DCUN1D5: variants seen among roughly 807,000 people sequenced by gnomAD.
The protein encoded by DCUN1D5 is DCN1-like protein 5.
A neutral mutation model predicts 38.3 loss-of-function variants in DCUN1D5; 10 were observed. That is an observed-to-expected ratio of 0.26 (90% CI 0.16 to 0.44). The LOEUF (loss-of-function observed/expected upper bound fraction) is 0.44, where lower values mean the gene tolerates loss of function less well. Among genes scored for constraint, DCUN1D5 ranks in the 20% least tolerant of loss-of-function variants. The pLI is 1.00. For missense variants in DCUN1D5, 148 were observed against 275.3 expected, an observed-to-expected ratio of 0.54 and a Z score of 3.27; for synonymous variants, 93 against 90.9, an observed-to-expected ratio of 1.02 and a Z score of -0.13.
Position 103,064,426 on chromosome 11 carries a change from AT to A in DCUN1D5, c.556-50del. The stretch of plus-strand genomic sequence containing the variant: ...GTATTTAAATATTTAAACAAACATC[AT>A]TTACTCAATTTAGTAAACTAAGTTT... On this transcript the variant is annotated intron_variant, in intron 6 of 7. Transcript: ENST00000260247. This position sits in a 1 kb window ranked among gnomAD's most constrained non-coding sequence, Gnocchi z 4.5. 2 of 1,370,790 alleles carry A rather than the reference AT, an allele frequency of 1.5e-6. No individual in the cohort carries two copies. Among genetic ancestry groups the A allele is most frequent in the Non-Finnish European group, 9.9e-7 (1 of 1,005,890 alleles). 84.9% of individuals were successfully genotyped at this position (1,370,790 alleles called of 1,614,324 possible).
In DCUN1D5 at chr11:103,091,959, C is replaced by T; in HGVS notation, c.-87G>A. ...AGCCCCTCAGCGCTGGCACCCAGTT[C>T]CCAGAGACAGCAGCAAGCGGAGGAG... On this transcript the variant is annotated 5_prime_UTR_variant, in exon 1 of 8. Coordinates refer to ENST00000260247, the MANE Select transcript of DCUN1D5 (RefSeq NM_032299.4). The surrounding 1 kb of genome is among the most constrained non-coding windows in gnomAD (Gnocchi z 4.3). 7.8e-7 allele frequency: 1 copy of T among 1,285,014 alleles called. No homozygotes were observed. Among genetic ancestry groups the T allele is most frequent in the East Asian group, 2.4e-5 (1 of 42,372 alleles). 79.6% of individuals were successfully genotyped at this position (1,285,014 alleles called of 1,614,324 possible).
rs1197034325 is a variant in DCUN1D5, at chr11:103,053,390, A to G, written c.*8969T>C. 1.3e-5 allele frequency: 2 copies of G among 152,156 alleles called. No homozygotes were observed. Among genetic ancestry groups the G allele is most frequent in the Non-Finnish European group, 2.9e-5 (2 of 67,978 alleles). The allele number at this position is 152,156 out of a possible 1,614,324, so 9.4% of individuals were successfully genotyped here. On this transcript the variant is annotated 3_prime_UTR_variant, in exon 8 of 8. Coordinates refer to ENST00000260247, the MANE Select transcript of DCUN1D5 (RefSeq NM_032299.4). This position sits in a 1 kb window ranked among gnomAD's most constrained non-coding sequence, Gnocchi z 4.8. ...TTTCCTAAGAGATTTGCATTTCTAAATATGTCTATGTAGACAGAAGAAATA... is the reference window on the plus strand; with the variant it reads ...TTTCCTAAGAGATTTGCATTTCTAAGTATGTCTATGTAGACAGAAGAAATA...
At position 103,051,298 on chromosome 11, in the gene DCUN1D5, C is replaced by G. The variant is rs1379931800; in HGVS notation, c.*11061G>C. On this transcript the variant is annotated 3_prime_UTR_variant, in exon 8 of 8. Transcript: ENST00000260247. ...TGACAAGCAGAACAAATGAACCATC[C>G]ATCCTTCAGGAAACTTTTTTAAAAA... is the stretch of plus-strand genomic sequence containing the variant. 6.6e-6 allele frequency: 1 copy of G among 152,184 alleles called. No individual in the cohort carries two copies. Among genetic ancestry groups the G allele is most frequent in the Non-Finnish European group, 1.5e-5 (1 of 68,036 alleles). 9.4% of individuals were successfully genotyped at this position (152,184 alleles called of 1,614,324 possible).
Position 103,052,822 on chromosome 11 carries a change from A to G in DCUN1D5, c.*9537T>C, listed in dbSNP as rs948005589. ...GAGAGAATAAAATAGAAATTCCTAA[A>G]TAGAAATTCAGTTTTCTCACTCTAT... On this transcript the variant is annotated 3_prime_UTR_variant, in exon 8 of 8. Coordinates refer to ENST00000260247, the MANE Select transcript of DCUN1D5 (RefSeq NM_032299.4). 2 of 152,236 alleles carry G rather than the reference A, an allele frequency of 1.3e-5. No homozygotes were observed. Among genetic ancestry groups the G allele is most frequent in the African/African-American group, 4.8e-5 (2 of 41,474 alleles). 9.4% of individuals were successfully genotyped at this position (152,236 alleles called of 1,614,324 possible).
chr11:103,066,612 CAAAT>C lies in DCUN1D5; in HGVS notation c.342-49_342-46del, dbSNP rs781389609. 8.1e-7 allele frequency: 1 copy of C among 1,239,968 alleles called. No individual in the cohort carries two copies. The highest frequency in any genetic ancestry group is 2.4e-5 in the East Asian group (1 of 42,528). 76.8% of individuals were successfully genotyped at this position (1,239,968 alleles called of 1,614,324 possible). On this transcript the variant is annotated intron_variant, in intron 4 of 7. Transcript: ENST00000260247. The surrounding 1 kb of genome is among the most constrained non-coding windows in gnomAD (Gnocchi z 4.7). ...AAACAAATTACATAATCAAGAAAAT[CAAAT>C]AAAAGTATCACTGGGGGTTAGACGT...
rs1861811011 is a variant in DCUN1D5 at position 103,054,031 on chromosome 11, A to T, written c.*8328T>A. ...AAAGGACTAGGGGTGCAAGAGGACC[A>T]TGTATGGGAAAACTTTCCAGGTGAA... On this transcript the variant is annotated 3_prime_UTR_variant, in exon 8 of 8. Transcript: ENST00000260247. 1 of 152,182 alleles carries T rather than the reference A, an allele frequency of 6.6e-6. No homozygotes were observed. Among genetic ancestry groups the T allele is most frequent in the African/African-American group, 2.4e-5 (1 of 41,448 alleles). The allele number at this position is 152,182 out of a possible 1,614,324, so 9.4% of individuals were successfully genotyped here. A position where few individuals can be genotyped will look rare whatever the true frequency, so the allele number is the denominator to read the frequency against.
At position 103,091,908 on chromosome 11, in the gene DCUN1D5, G is replaced by A. The variant is rs771616253; in HGVS notation, c.-36C>T. 3.2e-6 allele frequency: 5 copies of A among 1,585,860 alleles called. No individual in the cohort carries two copies. The highest frequency in any genetic ancestry group is 3.4e-6 in the Non-Finnish European group (4 of 1,162,458). On this transcript the variant is annotated 5_prime_UTR_variant, in exon 1 of 8. Transcript: ENST00000260247. This position sits in a 1 kb window ranked among gnomAD's most constrained non-coding sequence, Gnocchi z 4.3. ...CCCCGGCAGGGTGGGCAGGGGAGCC[G>A]GGGAAGGGGGTCCCTGTCCGCTGGA...
intron 4 of DCUN1D5, among the ~76,000 whole-genome samples, chr11:103,074,764 A>C (rs1862367977): frequency 1.3e-5 from 2 of 152,166 alleles, no homozygotes; most frequent in South Asian, 2.1e-4. Flanking sequence ...GATATCTGAG[A>C]CCATTCTCTT....
At position 103,050,956 on chromosome 11, in the gene DCUN1D5, C is replaced by G. The variant is rs970516392; in HGVS notation, c.*11403G>C. The G allele has an allele frequency of 2.0e-5, 3 of 152,084 alleles. No individual in the cohort carries two copies. Among genetic ancestry groups the G allele is most frequent in the Admixed American group, 6.6e-5 (1 of 15,258 alleles). The allele number at this position is 152,084 out of a possible 1,614,324, so 9.4% of individuals were successfully genotyped here. Reference sequence around the variant, plus strand: ...GGGTGTTTCTTTAAAAATAATCAGACCCAGAATAAGGGGGGAAACCCTCCA... The same window carrying G: ...GGGTGTTTCTTTAAAAATAATCAGAGCCAGAATAAGGGGGGAAACCCTCCA... On this transcript the variant is annotated 3_prime_UTR_variant, in exon 8 of 8. Coordinates refer to ENST00000260247, the MANE Select transcript of DCUN1D5 (RefSeq NM_032299.4).
intron 4 of DCUN1D5, among the ~76,000 whole-genome samples, chr11:103,074,621 G>A (rs1170731057): frequency 2.0e-5 from 3 of 152,196 alleles, no homozygotes; most frequent in African/African-American, 4.8e-5. Context: ...GGCCAGGATG[G>A]TCTCAATCTC....
At chr11:103,082,338 A>G (rs1364523493) in intron 4 of DCUN1D5, among the ~76,000 whole-genome samples, 1 of 152,136 alleles carries the variant, frequency 6.6e-6, no homozygotes, top group East Asian at 1.9e-4. Flanking sequence ...TCAAATTTTT[A>G]AAGTCAAATA....
chr11:103,072,938 A>G (rs896932654), intron 4 of DCUN1D5, among the ~76,000 whole-genome samples: 2 of 152,240 alleles, frequency 1.3e-5, no homozygotes, highest in African/African-American at 4.8e-5. Context: ...TATAGATCAG[A>G]AAAGAGAAAT....
At position 103,083,283 on chromosome 11, in the gene DCUN1D5, A is replaced by G; in HGVS notation, c.222T>C (p.Cys74=). 6.2e-7 allele frequency: 1 copy of G among 1,603,174 alleles called. No homozygotes were observed. The highest frequency in any genetic ancestry group is 8.5e-7 in the Non-Finnish European group (1 of 1,170,606). ...VVGPEGMEKF[C]EDIGVEPENI... is the part of the protein sequence containing the mutation. ...TTTCAGGTTCAACACCAATGTCTTC[A>G]CAAAATTTTTCCATTCCTTCTGGCC... is the stretch of plus-strand genomic sequence containing the variant. The change falls in exon 3 of 8, where the codon TGT becomes TGC. Residue 74 remains cysteine (C), a synonymous_variant. Coordinates refer to ENST00000260247, the MANE Select transcript of DCUN1D5 (RefSeq NM_032299.4). This position sits in a 1 kb window ranked among gnomAD's most constrained non-coding sequence, Gnocchi z 4.4.
At position 103,053,731 on chromosome 11, in the gene DCUN1D5, AC is replaced by A. The variant is rs1052448752; in HGVS notation, c.*8627del. On this transcript the variant is annotated 3_prime_UTR_variant, in exon 8 of 8. Coordinates refer to ENST00000260247, the MANE Select transcript of DCUN1D5 (RefSeq NM_032299.4). This position sits in a 1 kb window ranked among gnomAD's most constrained non-coding sequence, Gnocchi z 4.8. ...ATGAATATATCATATTATCACATGTACCCCCCAAATAAATACATCTATTATG... is the reference window on the plus strand; with the variant it reads ...ATGAATATATCATATTATCACATGTACCCCCAAATAAATACATCTATTATG... 29 of 151,984 alleles carry A rather than the reference AC, an allele frequency of 1.9e-4. No individual in the cohort carries two copies. Among genetic ancestry groups the A allele is most frequent in the African/African-American group, 6.8e-4 (28 of 41,470 alleles). The allele number at this position is 151,984 out of a possible 1,614,324, so 9.4% of individuals were successfully genotyped here. A position where few individuals can be genotyped will look rare whatever the true frequency, so the allele number is the denominator to read the frequency against.
At position 103,051,309 on chromosome 11, in the gene DCUN1D5, A is replaced by C. The variant is rs762571093; in HGVS notation, c.*11050T>G. Reference sequence around the variant, plus strand: ...ACAAATGAACCATCCATCCTTCAGGAAACTTTTTTAAAAAAAGATTTTCTG... The same window carrying C: ...ACAAATGAACCATCCATCCTTCAGGCAACTTTTTTAAAAAAAGATTTTCTG... On this transcript the variant is annotated 3_prime_UTR_variant, in exon 8 of 8. Transcript: ENST00000260247. 1.3e-5 allele frequency: 2 copies of C among 152,204 alleles called. No individual in the cohort carries two copies. Among genetic ancestry groups the C allele is most frequent in the Admixed American group, 1.3e-4 (2 of 15,282 alleles). The allele number at this position is 152,204 out of a possible 1,614,324, so 9.4% of individuals were successfully genotyped here. A position where few individuals can be genotyped will look rare whatever the true frequency, so the allele number is the denominator to read the frequency against.
Position 103,062,446 on chromosome 11 carries a change from TCAGTGAACTCATCTCTC to T in DCUN1D5, c.659-49_659-33del. ...AAAAAGAAACCATTTTTGTCAGAAT[TCAGTGAACTCATCTCTC>T]CAATTATAAAACAAACTCCCCACGA... On this transcript the variant is annotated intron_variant, in intron 7 of 7. Transcript: ENST00000260247. This position sits in a 1 kb window ranked among gnomAD's most constrained non-coding sequence, Gnocchi z 4.6. 1 of 1,586,666 alleles carries T rather than the reference TCAGTGAACTCATCTCTC, an allele frequency of 6.3e-7. No homozygotes were observed. Among genetic ancestry groups the T allele is most frequent in the Non-Finnish European group, 8.6e-7 (1 of 1,157,402 alleles).
chr11:103,072,869 G>C (rs1044532362), intron 4 of DCUN1D5, among the ~76,000 whole-genome samples: 1 of 152,036 alleles, frequency 6.6e-6, no homozygotes. Flanking sequence ...TAACAAACCT[G>C]CACGTTGTGC....
chr11:103,079,537 C>G (rs1359600767), intron 4 of DCUN1D5, among the ~76,000 whole-genome samples: 1 of 151,668 alleles, frequency 6.6e-6, no homozygotes, highest in African/African-American at 2.4e-5. Flanking sequence ...TTGAGACCAA[C>G]CTGGGCAACA....
chr11:103,082,627 G>T, intron 4 of DCUN1D5, 121 bp downstream of exon 4: 1 of 691,360 alleles, frequency 1.4e-6, no homozygotes, highest in Non-Finnish European at 2.4e-6. Flanking sequence ...CAAACTAATT[G>T]TTATAGATCA....
Sources: allele counts gnomAD v4.1 joint callset (sites outside exome capture counted in the v4.1 genomes callset), GRCh38; gene constraint gnomAD v4.1.1; non-coding constraint Gnocchi (gnomAD v3.1); transcripts MANE v1.5; gene names NCBI Gene and HGNC (gene_info 2026-07-23, HGNC 2026-07-21).